PCDHGB1: variants seen among roughly 807,000 people sequenced by gnomAD.
PCDHGB1 encodes the protein protocadherin gamma subfamily B, 1, also known as protocadherin gamma-B1.
PCDHGB1 carries 34 observed loss-of-function variants against 56.6 expected under a neutral mutation model. The ratio of observed to expected loss-of-function variants is 0.60; its 90% CI spans 0.46 to 0.80. The LOEUF is 0.80. PCDHGB1 is among the 30% of genes least tolerant of loss of function. The pLI is 0.00. For missense variants in PCDHGB1, 1,278 were observed against 1,204.6 expected, an observed-to-expected ratio of 1.06 and a Z score of -0.90; for synonymous variants, 561 against 505.9, an observed-to-expected ratio of 1.11 and a Z score of -1.46.
rs758715682 is a variant in PCDHGB1, at chr5:141,490,062, C to T, written c.2410-4745C>T. The T allele has an allele frequency of 2.6e-5, 42 of 1,614,100 alleles. No individual in the cohort carries two copies. The highest frequency in any genetic ancestry group is 3.3e-5 in the South Asian group (3 of 91,086). On this transcript the variant is annotated intron_variant, in intron 1 of 3. Coordinates refer to ENST00000523390, the MANE Select transcript of PCDHGB1 (RefSeq NM_018922.3). The surrounding 1 kb of genome is among the most constrained non-coding windows in gnomAD (Gnocchi z 5.4). The stretch of plus-strand genomic sequence containing the variant: ...CCACTGATCCAGACGAGGGCACCAA[C>T]GGCCAACTAGACTATTCTTTTGGAG...
intron 1 of PCDHGB1, chr5:141,412,090 T>C (rs1008718786): frequency 3.3e-5 from 5 of 152,218 alleles, no homozygotes; most frequent in Admixed American, 2.0e-4. Flanking sequence ...ACTGGGTTGA[T>C]GGGCACACAC....
rs1173306822 is a variant in PCDHGB1, at chr5:141,431,115, T to G, written c.2410-63692T>G. The G allele has an allele frequency of 6.2e-7, 1 of 1,613,608 alleles. No homozygotes were observed. Among genetic ancestry groups the G allele is most frequent in the East Asian group, 2.2e-5 (1 of 44,840 alleles). ...GAGGATAAAGTGAAAATATATGGAG[T>G]AGAAGTAGAAGTAAGGGACATTAAC... On this transcript the variant is annotated intron_variant, in intron 1 of 3. Transcript: ENST00000523390. This position sits in a 1 kb window ranked among gnomAD's most constrained non-coding sequence, Gnocchi z 4.8.
At chr5:141,480,942 G>T (rs2099528600) in intron 1 of PCDHGB1, among the ~76,000 whole-genome samples, 3 of 152,132 alleles carry the variant, frequency 2.0e-5, no homozygotes, top group Non-Finnish European at 2.9e-5. Flanking sequence ...CTACTCTAGA[G>T]GCTGAGGCGG....
chr5:141,372,704 A>G lies in PCDHGB1; in HGVS notation c.2409+20035A>G, dbSNP rs1768986926. The G allele has an allele frequency of 5.6e-6, 9 of 1,613,992 alleles. 1 individual carries two copies. The South Asian group carries it at 8.8e-5, about 16-fold the overall frequency. ...ACACCGAGTTTAAATTTCTCAATAT[A>G]AAGGCTGAAAATGCTGCACCACAAG... is the stretch of plus-strand genomic sequence containing the variant. On this transcript the variant is annotated intron_variant, in intron 1 of 3. Coordinates refer to ENST00000523390, the MANE Select transcript of PCDHGB1 (RefSeq NM_018922.3).
intron 1 of PCDHGB1, among the ~76,000 whole-genome samples, chr5:141,363,897 C>T (rs925245395): frequency 6.6e-6 from 1 of 152,090 alleles, no homozygotes; most frequent in Admixed American, 6.5e-5. Flanking sequence ...CCCCCGATGA[C>T]GCATTAAATA....
At chr5:141,397,495 A>T (rs1346259397) in intron 1 of PCDHGB1, among the ~76,000 whole-genome samples, 2 of 152,226 alleles carry the variant, frequency 1.3e-5, no homozygotes, top group Non-Finnish European at 2.9e-5. Flanking sequence ...GAACAGAAGA[A>T]TGATAAAATT....
chr5:141,426,317 C>A, intron 1 of PCDHGB1: 1 of 173,952 alleles, frequency 5.7e-6, no homozygotes, highest in African/African-American at 2.4e-5. Flanking sequence ...AGAAGCAGGA[C>A]CCGGCAGTGG....
At position 141,410,475 on chromosome 5, in the gene PCDHGB1, A is replaced by G. The variant is rs185995562; in HGVS notation, c.2409+57806A>G. ...TATTCTTATAATCTGTGCATTGCAC[A>G]TACGGGTACAAAAGAGTTTAATTTC... is the stretch of plus-strand genomic sequence containing the variant. On this transcript the variant is annotated intron_variant, in intron 1 of 3. Transcript: ENST00000523390. The G allele has an allele frequency of 3.7e-6, 6 of 1,614,052 alleles. No homozygotes were observed. In the South Asian group the frequency reaches 6.6e-5, roughly 18 times the overall value.
In PCDHGB1 at chr5:141,350,553, AG is replaced by A. The variant is rs1265206286; in HGVS notation, c.294del (p.Glu98AspfsTer4). On this transcript the variant is annotated frameshift_variant, in exon 1 of 4. Coordinates refer to ENST00000523390, the MANE Select transcript of PCDHGB1 (RefSeq NM_018922.3). LOFTEE classifies it high-confidence loss of function. ...GAGAAGATTTGCGGAAGGAAACTTG[AG>A]TGTGCACTAGAATTCGAAACGGTCG... is the stretch of plus-strand genomic sequence containing the variant. The part of the protein sequence containing the change: ...DREKICGRKL[E>X]CALEFETVAE... The A allele has an allele frequency of 6.2e-7, 1 of 1,613,934 alleles. No individual in the cohort carries two copies. The highest frequency in any genetic ancestry group is 1.3e-5 in the African/African-American group (1 of 74,932).
At chr5:141,428,097 C>T (rs2097109296) in intron 1 of PCDHGB1, 2 of 1,608,758 alleles carry the variant, frequency 1.2e-6, no homozygotes, top group African/African-American at 1.3e-5. Flanking sequence ...GCTGTCCTAC[C>T]ACGTGCTGCA....
Position 141,366,210 on chromosome 5 carries a change from G to A in PCDHGB1, c.2409+13541G>A, listed in dbSNP as rs374658125. 81 of 1,613,800 alleles carry A rather than the reference G, an allele frequency of 5.0e-5. 1 individual carries two copies. The African/African-American group carries it at 9.2e-4, about 18-fold the overall frequency. On this transcript the variant is annotated intron_variant, in intron 1 of 3. Coordinates refer to ENST00000523390, the MANE Select transcript of PCDHGB1 (RefSeq NM_018922.3). The stretch of plus-strand genomic sequence containing the variant: ...GTTGGGCTGCACACGGGCGAGGTGC[G>A]CACAGCGCGAGCCCTGCTGGACAGA...
chr5:141,471,046 C>CTT (rs1170588345), intron 1 of PCDHGB1, among the ~76,000 whole-genome samples: 26 of 113,248 alleles, frequency 2.3e-4, no homozygotes, highest in Non-Finnish European at 3.0e-4. Context: ...CCCAAGCCCT[C>CTT]TTTTTTTTTT....
At position 141,511,397 on chromosome 5, in the gene PCDHGB1, C is replaced by A; in HGVS notation, c.*224C>A. ...AGCAGTTCCGCTGGGAACCCCCATC[C>A]AATCAACTGCTGTACCCATGGGGGT... On this transcript the variant is annotated 3_prime_UTR_variant, in exon 4 of 4. Coordinates refer to ENST00000523390, the MANE Select transcript of PCDHGB1 (RefSeq NM_018922.3). 1.0e-6 allele frequency: 1 copy of A among 1,002,376 alleles called. No individual in the cohort carries two copies. The highest frequency in any genetic ancestry group is 1.4e-6 in the Non-Finnish European group (1 of 705,546). 62.1% of individuals were successfully genotyped at this position (1,002,376 alleles called of 1,614,324 possible). A position where few individuals can be genotyped will look rare whatever the true frequency, so the allele number is the denominator to read the frequency against.
At position 141,485,074 on chromosome 5, in the gene PCDHGB1, G is replaced by T. The variant is rs2099606548; in HGVS notation, c.2410-9733G>T. On this transcript the variant is annotated intron_variant, in intron 1 of 3. Transcript: ENST00000523390. The surrounding 1 kb of genome is among the most constrained non-coding windows in gnomAD (Gnocchi z 5.7). ...GGCCGAACCGCGCCAGAGCTGGCGCGGGGAAAGGGAGATAGGTGTCTCCAG... is the reference window on the plus strand; with the variant it reads ...GGCCGAACCGCGCCAGAGCTGGCGCTGGGAAAGGGAGATAGGTGTCTCCAG... The T allele has an allele frequency of 2.2e-6, 2 of 926,946 alleles. No homozygotes were observed. The highest frequency in any genetic ancestry group is 3.4e-6 in the Non-Finnish European group (2 of 596,630). 57.4% of individuals were successfully genotyped at this position (926,946 alleles called of 1,614,324 possible). A position where few individuals can be genotyped will look rare whatever the true frequency, so the allele number is the denominator to read the frequency against.
chr5:141,386,424 C>A (rs1233589909), intron 1 of PCDHGB1, among the ~76,000 whole-genome samples: 1 of 151,904 alleles, frequency 6.6e-6, no homozygotes, highest in Non-Finnish European at 1.5e-5. Flanking sequence ...AAGCTGTAGC[C>A]CACCTGCATG....
chr5:141,432,589 G>T lies in PCDHGB1; in HGVS notation c.2410-62218G>T. ...CCTGGCTGTCCTACCGTCTGCTCAA[G>T]GCCAGCGAGCCGGGACTCTTCTCGG... On this transcript the variant is annotated intron_variant, in intron 1 of 3. Transcript: ENST00000523390. The surrounding 1 kb of genome is among the most constrained non-coding windows in gnomAD (Gnocchi z 6.0). 1 of 1,613,916 alleles carries T rather than the reference G, an allele frequency of 6.2e-7. No individual in the cohort carries two copies. Among genetic ancestry groups the T allele is most frequent in the Non-Finnish European group, 8.5e-7 (1 of 1,179,974 alleles).
chr5:141,463,446 T>TC, intron 1 of PCDHGB1, among the ~76,000 whole-genome samples: 1 of 125,012 alleles, frequency 8.0e-6, no homozygotes, highest in Non-Finnish European at 1.7e-5. Flanking sequence ...TCCTTTTTTT[T>TC]TTTTTTTTTT....
At chr5:141,371,628 C>A (rs1247615659) in intron 1 of PCDHGB1, 2 of 1,614,008 alleles carry the variant, frequency 1.2e-6, no homozygotes, top group South Asian at 1.1e-5. Context: ...AGCCCTGGAC[C>A]GGGAGCAGAT....
intron 1 of PCDHGB1, chr5:141,421,906 G>C: frequency 6.2e-7 from 1 of 1,613,770 alleles, no homozygotes; most frequent in Non-Finnish European, 8.5e-7. Context: ...AAAGGGCGCA[G>C]TTCCCATTCG....
Sources: gnomAD v4.1 joint callset for allele counts (sites outside exome capture counted in the v4.1 genomes callset) on GRCh38, gnomAD v4.1.1 for gene constraint, Gnocchi (gnomAD v3.1) non-coding constraint, MANE v1.5 for transcripts, NCBI Gene and HGNC (gene_info 2026-07-23, HGNC 2026-07-21) for gene names.